The following SATB2 variants were observed in gnomAD, a reference collection of about 807,000 sequenced individuals.
SATB2 encodes DNA-binding protein SATB2.
Under a neutral mutation model 73.4 loss-of-function variants are expected in SATB2, and 1 was observed. The observed-to-expected ratio is 0.01, with a 90% CI of 0.00 to 0.06. The LOEUF (loss-of-function observed/expected upper bound fraction) is 0.06. Among genes scored for constraint, SATB2 ranks in the 10% least tolerant of loss-of-function variants. The probability of loss-of-function intolerance (pLI) is 1.00; values close to 1 mark genes in which losing one functional copy is unlikely to be tolerated. For missense variants in SATB2, 459 were observed against 945.8 expected (o/e 0.49, Z 6.75); for synonymous variants, 397 against 367.0 (o/e 1.08, Z -0.93).
intron 7 of SATB2, among the ~76,000 whole-genome samples, chr2:199,342,251 C>T (rs1390338233): frequency 6.6e-6 from 1 of 152,076 alleles, no homozygotes; most frequent in Non-Finnish European, 1.5e-5. Flanking sequence ...ATCCATCTCA[C>T]TTTGTGGCCA....
rs923376281 is a variant in SATB2 at position 199,464,202 on chromosome 2, T to C, written c.-141+634A>G. ...GGCCTCCGGGAAAGGCCCAAGTGAC[T>C]GTGACGGCGGCGACTCGGGCTCAGT... is the stretch of plus-strand genomic sequence containing the variant. On this transcript the variant is annotated intron_variant, in intron 1 of 11. Transcript: ENST00000260926. The surrounding 1 kb of genome is among the most constrained non-coding windows in gnomAD (Gnocchi z 6.6). Among the ~76,000 whole-genome samples, 2 of 152,114 alleles carry C rather than the reference T, an allele frequency of 1.3e-5. No homozygotes were observed. Among genetic ancestry groups the C allele is most frequent in the African/African-American group, 4.8e-5 (2 of 41,442 alleles).
intron 10 of SATB2, among the ~76,000 whole-genome samples, chr2:199,294,452 C>A (rs773573345): frequency 1.3e-5 from 2 of 152,132 alleles, no homozygotes; most frequent in Non-Finnish European, 2.9e-5. Flanking sequence ...GTTATACAAC[C>A]AAAGAATCAG....
intron 10 of SATB2, among the ~76,000 whole-genome samples, chr2:199,288,185 G>T (rs1206654173): frequency 6.6e-6 from 1 of 152,182 alleles, no homozygotes; most frequent in Admixed American, 6.5e-5. Flanking sequence ...TTTAGAGTGG[G>T]TTATAAAGAG....
chr2:199,426,000 T>C (rs976408663), intron 3 of SATB2, among the ~76,000 whole-genome samples: 4 of 152,170 alleles, frequency 2.6e-5, no homozygotes, highest in Non-Finnish European at 5.9e-5. Context: ...CCAGCTCTAA[T>C]GAGGGCTGAG....
At chr2:199,468,600 G>C (rs1380815114), upstream of SATB2, among the ~76,000 whole-genome samples, 1 of 152,210 alleles carries the variant, frequency 6.6e-6, no homozygotes, top group Non-Finnish European at 1.5e-5. Context: ...TCCTCCCTGA[G>C]CGGAGCTCCA....
At chr2:199,363,884 A>C (rs1398516380) in intron 6 of SATB2, among the ~76,000 whole-genome samples, 2 of 152,276 alleles carry the variant, frequency 1.3e-5, no homozygotes, top group Admixed American at 6.5e-5. Flanking sequence ...GGCAGAAGGC[A>C]GACAAACTTC....
intron 10 of SATB2, among the ~76,000 whole-genome samples, chr2:199,278,160 A>G (rs1183470543): frequency 6.6e-6 from 1 of 152,224 alleles, no homozygotes; most frequent in Non-Finnish European, 1.5e-5. Flanking sequence ...CAGAGGCAGC[A>G]TTGGAGCCCA....
intron 1 of SATB2, among the ~76,000 whole-genome samples, chr2:199,456,594 G>T (rs1559066547): frequency 1.3e-5 from 2 of 152,230 alleles, no homozygotes; most frequent in African/African-American, 2.4e-5. Flanking sequence ...CCGGGCGAAA[G>T]AACCCCTTGA....
In SATB2 at chr2:199,464,433, G is replaced by A. The variant is rs6723433; in HGVS notation, c.-141+403C>T. 0.022 allele frequency among the ~76,000 whole-genome samples: 3,278 copies of A among 149,418 alleles called. 114 individuals carry two copies. Among genetic ancestry groups the A allele is most frequent in the African/African-American group, 0.074 (3,036 of 41,044 alleles). On this transcript the variant is annotated intron_variant, in intron 1 of 11. Coordinates refer to the SATB2 transcript ENST00000260926. This position sits in a 1 kb window ranked among gnomAD's most constrained non-coding sequence, Gnocchi z 6.6. ...CACCACCATTTCCACGCGCGCGCGC[G>A]CACACACACACACACACACACAGAG...
In SATB2 at chr2:199,463,291, GACA is replaced by G. The variant is rs1363582133; in HGVS notation, c.-141+1542_-141+1544del. On this transcript the variant is annotated intron_variant, in intron 1 of 11. Coordinates refer to the SATB2 transcript ENST00000260926. The surrounding 1 kb of genome is among the most constrained non-coding windows in gnomAD (Gnocchi z 6.4). ...CTTGTAGAAATCGACTGTAAACCGG[GACA>G]ACAAGGCAAGGGTGGGGGAAGAAAA... is the stretch of plus-strand genomic sequence containing the variant. 6.6e-6 allele frequency among the ~76,000 whole-genome samples: 1 copy of G among 152,214 alleles called. No homozygotes were observed. Among genetic ancestry groups the G allele is most frequent in the Non-Finnish European group, 1.5e-5 (1 of 68,034 alleles).
chr2:199,470,199 C>G (rs1692677597), intron 1 of SATB2: 1 of 152,344 alleles, frequency 6.6e-6, no homozygotes, highest in Non-Finnish European at 1.5e-5. Flanking sequence ...CCCGTGGAAT[C>G]TTGTTGCCTG....
At chr2:199,313,559 C>T (rs1687650794) in intron 9 of SATB2, among the ~76,000 whole-genome samples, 1 of 152,130 alleles carries the variant, frequency 6.6e-6, no homozygotes, top group South Asian at 2.1e-4. Flanking sequence ...CTCTGACTGC[C>T]CTTCCAACTA....
intron 3 of SATB2, among the ~76,000 whole-genome samples, chr2:199,383,337 A>G (rs940784388): frequency 1.3e-5 from 2 of 152,220 alleles, no homozygotes; most frequent in Admixed American, 1.3e-4. Flanking sequence ...CACAGCATGT[A>G]GTAGTCATGA....
chr2:199,368,642 C>T lies in SATB2; in HGVS notation c.663G>A (p.Glu221=). 1.2e-6 allele frequency: 2 copies of T among 1,611,210 alleles called. No homozygotes were observed. Among genetic ancestry groups the T allele is most frequent in the Non-Finnish European group, 1.7e-6 (2 of 1,177,674 alleles). ...YANVSATKCQ[E]FGRWYKKYKK... ...TGTACTTTTTATACCATCTCCCAAA[C>T]TCCTGGCACTTGGTTGCTGACACAT... Residue 221 remains glutamate, a synonymous_variant, in exon 6 of 11, where the codon GAG becomes GAA. Coordinates refer to ENST00000417098, the MANE Select transcript of SATB2 (RefSeq NM_001172509.2).
At chr2:199,360,516 C>A (rs1689108017) in intron 6 of SATB2, among the ~76,000 whole-genome samples, 2 of 152,106 alleles carry the variant, frequency 1.3e-5, no homozygotes, top group African/African-American at 4.8e-5. Flanking sequence ...ATGAGCTGCC[C>A]ATCCTCACCG....
intron 3 of SATB2, among the ~76,000 whole-genome samples, chr2:199,426,696 A>AG (rs1691341154): frequency 1.0e-5 from 1 of 98,394 alleles, no homozygotes; most frequent in Non-Finnish European, 2.0e-5. Context: ...CTCTCTCAAA[A>AG]AAAAAAAAAA....
intron 10 of SATB2, among the ~76,000 whole-genome samples, chr2:199,279,033 A>G (rs761680221): frequency 3.3e-4 from 50 of 152,266 alleles, no homozygotes; most frequent in Admixed American, 1.2e-3. Flanking sequence ...ATGGGTAGGA[A>G]TAAACAAATA....
At chr2:199,288,872 G>A (rs774092804) in intron 10 of SATB2, among the ~76,000 whole-genome samples, 11 of 152,154 alleles carry the variant, frequency 7.2e-5, no homozygotes, top group South Asian at 6.2e-4. Context: ...AAGGGTTTTC[G>A]CCTCAAACCA....
At chr2:199,340,872 G>C (rs980069570) in intron 7 of SATB2, among the ~76,000 whole-genome samples, 1 of 152,178 alleles carries the variant, frequency 6.6e-6, no homozygotes, top group African/African-American at 2.4e-5. Flanking sequence ...GATTTGCTCA[G>C]ATGGAAGGTC....
Sources: allele counts gnomAD v4.1 joint callset (sites outside exome capture counted in the v4.1 genomes callset), GRCh38; gene constraint gnomAD v4.1.1; non-coding constraint Gnocchi (gnomAD v3.1); transcripts MANE v1.5; gene names NCBI Gene and HGNC (gene_info 2026-07-23, HGNC 2026-07-21).